CMIP: variants seen among roughly 807,000 people sequenced by gnomAD.
The protein encoded by CMIP is c-Maf inducing protein.
In CMIP, 13 loss-of-function variants were observed where a neutral mutation model predicts 97.3. The observed-to-expected ratio is 0.13, with a 90% CI of 0.09 to 0.21. CMIP has a LOEUF of 0.21. Ranked by LOEUF, CMIP falls within the 10% of genes least tolerant of loss-of-function variation. CMIP has a pLI of 1.00. For missense variants in CMIP, 847 were observed against 1,024.9 expected, an observed-to-expected ratio of 0.83 and a Z score of 2.37; for synonymous variants, 538 against 436.3, an observed-to-expected ratio of 1.23 and a Z score of -2.91.
Position 81,678,621 on chromosome 16 carries a change from A to G in CMIP, c.1381A>G (p.Lys461Glu). 6.4e-7 allele frequency: 1 copy of G among 1,554,758 alleles called. No homozygotes were observed. Among genetic ancestry groups the G allele is most frequent in the East Asian group, 2.3e-5 (1 of 44,270 alleles). The change falls in exon 10 of 21, where the codon AAG (lysine) becomes GAG (glutamate). Residue 461 changes from lysine (K) to glutamate (E), a missense_variant. By Grantham distance (56) the Lys-to-Glu change is moderately conservative. Coordinates refer to ENST00000537098, the MANE Select transcript of CMIP (RefSeq NM_198390.3). ...GCTCGGCTGCTACGTGGAAATCCTC[A>G]AGCTGCTGTGAGTGCCCCCCCCGCG... is the stretch of plus-strand genomic sequence containing the variant. The part of the protein sequence containing the change: ...RTLGCYVEIL[K>E]LLSDYDDWRP...
At chr16:81,506,454 C>A (rs981915337) in intron 1 of CMIP, among the ~76,000 whole-genome samples, 1 of 152,104 alleles carries the variant, frequency 6.6e-6, no homozygotes, top group Non-Finnish European at 1.5e-5. Flanking sequence ...CCTTACATTG[C>A]AATTTATTGT....
At chr16:81,538,718 T>G (rs1329744051) in intron 1 of CMIP, among the ~76,000 whole-genome samples, 1 of 152,166 alleles carries the variant, frequency 6.6e-6, no homozygotes, top group Non-Finnish European at 1.5e-5. Flanking sequence ...GTCAGGATAT[T>G]CTCATTCCAA....
chr16:81,679,591 A>G (rs191247649), intron 10 of CMIP, among the ~76,000 whole-genome samples: 48 of 151,106 alleles, frequency 3.2e-4, no homozygotes, highest in Admixed American at 7.9e-4. Context: ...CTGGGTGTCT[A>G]TGTGTGCACA....
chr16:81,541,255 G>C lies in CMIP; in HGVS notation c.301-66312G>C, dbSNP rs1042583359. Among the ~76,000 whole-genome samples the C allele has an allele frequency of 2.0e-5, 3 of 152,156 alleles. No homozygotes were observed. The South Asian group carries it at 6.2e-4, about 32-fold the overall frequency. On this transcript the variant is annotated intron_variant, in intron 1 of 20. Transcript: ENST00000537098. ...CAGATGGTTCTATAGAAAGTATATG[G>C]TATAATTTTATGTGAGTTTCTTTAT...
intron 1 of CMIP, among the ~76,000 whole-genome samples, chr16:81,494,077 A>G (rs2089449058): frequency 6.6e-6 from 1 of 152,220 alleles, no homozygotes; most frequent in Non-Finnish European, 1.5e-5. Context: ...CCTGGCTCAA[A>G]GGTAACACCC....
At chr16:81,500,209 C>G (rs191038056) in intron 1 of CMIP, among the ~76,000 whole-genome samples, 4 of 151,438 alleles carry the variant, frequency 2.6e-5, no homozygotes, top group African/African-American at 9.7e-5. Flanking sequence ...CTTAACGATT[C>G]TTTTGGTGAA....
At chr16:81,516,432 C>T (rs2089915132) in intron 1 of CMIP, among the ~76,000 whole-genome samples, 2 of 152,208 alleles carry the variant, frequency 1.3e-5, no homozygotes, top group African/African-American at 4.8e-5. Flanking sequence ...TCGGTTCAGC[C>T]CTTGGTTTCT....
intron 1 of CMIP, chr16:81,520,063 C>G (rs1044474531): frequency 6.6e-6 from 1 of 152,402 alleles, no homozygotes; most frequent in Admixed American, 6.6e-5. Flanking sequence ...TCTTGAGTGG[C>G]CTGGTGGGGT....
intron 9 of CMIP, among the ~76,000 whole-genome samples, chr16:81,674,991 G>T (rs1189598377): frequency 6.6e-6 from 1 of 151,850 alleles, no homozygotes; most frequent in Non-Finnish European, 1.5e-5. Flanking sequence ...AGAAAGAAAA[G>T]GGTGCCCAGG....
At chr16:81,595,801 A>G (rs2091546025) in intron 1 of CMIP, among the ~76,000 whole-genome samples, 1 of 152,166 alleles carries the variant, frequency 6.6e-6, no homozygotes, top group Non-Finnish European at 1.5e-5. Flanking sequence ...GTTGATGGAT[A>G]CTGTTTCCAT....
chr16:81,507,615 T>C (rs531816248), intron 1 of CMIP, among the ~76,000 whole-genome samples: 24 of 152,320 alleles, frequency 1.6e-4, no homozygotes, highest in African/African-American at 4.1e-4. Context: ...TTAGACAATT[T>C]GGTGAAGGGA....
At chr16:81,659,244 G>C (rs1186483619) in intron 5 of CMIP, among the ~76,000 whole-genome samples, 1 of 152,228 alleles carries the variant, frequency 6.6e-6, no homozygotes, top group African/African-American at 2.4e-5. Flanking sequence ...GACACAGATA[G>C]AGAGCTGGAC....
intron 1 of CMIP, among the ~76,000 whole-genome samples, chr16:81,522,282 A>C (rs565567487): frequency 3.3e-5 from 5 of 152,180 alleles, no homozygotes; most frequent in African/African-American, 1.2e-4. Context: ...GCCCTAAGCC[A>C]GGTGGCCACA....
chr16:81,474,459 C>T (rs538256319), intron 1 of CMIP, among the ~76,000 whole-genome samples: 43 of 152,268 alleles, frequency 2.8e-4, no homozygotes, highest in Admixed American at 2.8e-3. Context: ...AGGCACGTCG[C>T]ACACTACTTC....
intron 1 of CMIP, among the ~76,000 whole-genome samples, chr16:81,541,581 T>C (rs1014651057): frequency 1.3e-5 from 2 of 152,254 alleles, no homozygotes; most frequent in Non-Finnish European, 2.9e-5. Flanking sequence ...CACAGTTTAT[T>C]TGAAGATTAC....
intron 1 of CMIP, among the ~76,000 whole-genome samples, chr16:81,588,870 C>T (rs529905636): frequency 2.0e-5 from 3 of 152,024 alleles, no homozygotes; most frequent in Non-Finnish European, 2.9e-5. Flanking sequence ...GCCTCTATCA[C>T]TCCCATTTCA....
chr16:81,625,467 C>G (rs901444716), intron 3 of CMIP, among the ~76,000 whole-genome samples: 4 of 152,280 alleles, frequency 2.6e-5, no homozygotes, highest in Non-Finnish European at 5.9e-5. Flanking sequence ...GGTGACAGGC[C>G]TGTCTGCACA....
chr16:81,590,008 G>A (rs552663071), intron 1 of CMIP, among the ~76,000 whole-genome samples: 3 of 152,208 alleles, frequency 2.0e-5, no homozygotes, highest in South Asian at 2.1e-4. Flanking sequence ...GCAGGTGTCC[G>A]GAGGCTGGAG....
intron 1 of CMIP, among the ~76,000 whole-genome samples, chr16:81,501,545 G>A (rs939853719): frequency 5.3e-5 from 8 of 151,968 alleles, no homozygotes; most frequent in South Asian, 2.1e-4. Context: ...GTGGAGTGGG[G>A]TCGGGGGCAG....
Sources: allele counts gnomAD v4.1 joint callset (sites outside exome capture counted in the v4.1 genomes callset), GRCh38; gene constraint gnomAD v4.1.1; transcripts MANE v1.5; gene names NCBI Gene and HGNC (gene_info 2026-07-23, HGNC 2026-07-21).